MTM1: variants seen among roughly 807,000 people sequenced by gnomAD.
MTM1 encodes myotubularin 1, also known as myotubularin.
In MTM1, 9 loss-of-function variants were observed where a neutral mutation model predicts 52.1. The observed-to-expected ratio is 0.17, with a 90% CI of 0.10 to 0.30. The LOEUF is 0.30. MTM1 is among the 10% of genes least tolerant of loss of function. The pLI is 1.00. For missense variants in MTM1, 277 were observed against 470.7 expected (o/e 0.59, Z 3.81); for synonymous variants, 136 against 163.8 (o/e 0.83, Z 1.29).
At chrX:150,618,961 A>T in intron 5 of MTM1, 77 bp from the exon 6 acceptor site, 1 of 725,700 alleles carries the variant, frequency 1.4e-6, no homozygotes, top group Admixed American at 2.2e-5. Context: ...TTCTCCCTTA[A>T]TTGAATGGAA....
chrX:150,624,435 A>G (rs907148411), intron 6 of MTM1, among the ~76,000 whole-genome samples: 14 of 111,706 alleles, frequency 1.3e-4, no homozygotes, highest in Non-Finnish European at 2.3e-4. Flanking sequence ...GTATAACTGA[A>G]CAGAGCCTGA....
intron 11 of MTM1, 122 bp downstream of exon 11, chrX:150,658,149 C>A: frequency 3.3e-6 from 2 of 604,740 alleles, no homozygotes; most frequent in Non-Finnish European, 5.3e-6. Flanking sequence ...AAACTTTACG[C>A]GTTTGAAAAT....
At position 150,568,624 on chromosome X, in the gene MTM1, C is replaced by G. The variant is rs1387250011; in HGVS notation, c.-49C>G. ...AGGGGGCGGAGCAGGGCCCGGCAGC[C>G]GAGCAGCCTGGCAACGGCGGTGGCG... is the stretch of plus-strand genomic sequence containing the variant. On this transcript the variant is annotated 5_prime_UTR_variant, in exon 1 of 15. Transcript: ENST00000370396. 2 of 112,987 alleles carry G rather than the reference C, an allele frequency of 1.8e-5. No homozygotes were observed. The highest frequency in any genetic ancestry group is 6.4e-5 in the African/African-American group (2 of 31,198). The allele number at this position is 112,987 out of a possible 1,213,427, so 9.3% of individuals were successfully genotyped here. A position where few individuals can be genotyped will look rare whatever the true frequency, so the allele number is the denominator to read the frequency against.
intron 10 of MTM1, among the ~76,000 whole-genome samples, chrX:150,651,988 G>A (rs1171634688): frequency 3.6e-5 from 4 of 110,828 alleles, no homozygotes; most frequent in Non-Finnish European, 5.7e-5. Flanking sequence ...CTAGTGATGT[G>A]GTGGGTGTGA....
At chrX:150,597,171 A>C (rs1376519153) in intron 3 of MTM1, among the ~76,000 whole-genome samples, 1 of 112,252 alleles carries the variant, frequency 8.9e-6, no homozygotes, top group East Asian at 2.8e-4. Flanking sequence ...GGCAAATTTT[A>C]TATGTGGATT....
rs782433652 is a variant in MTM1 at position 150,663,853 on chromosome X, C to G, written c.1644+244C>G. Among the ~76,000 whole-genome samples the G allele has an allele frequency of 2.7e-5, 3 of 111,698 alleles. No individual in the cohort carries two copies. In the East Asian group the frequency reaches 8.4e-4, roughly 31 times the overall value. ...CTATAATGCAAGCTGATTTAAAGCT[C>G]TAGAAAATTTGAGTTTTCATAGCCA... On this transcript the variant is annotated intron_variant, in intron 14 of 14. Coordinates refer to ENST00000370396, the MANE Select transcript of MTM1 (RefSeq NM_000252.3).
rs1291970338 is a variant in MTM1, at chrX:150,572,116, G to T, written c.-11+3454G>T. On this transcript the variant is annotated intron_variant, in intron 1 of 14. Coordinates refer to ENST00000370396, the MANE Select transcript of MTM1 (RefSeq NM_000252.3). ...ATGAGCCTTTTGTTTGTGTGAGGTG[G>T]TAGAAAGCTTCCTGCATTTGGATTC... Among the ~76,000 whole-genome samples the T allele has an allele frequency of 5.4e-5, 6 of 111,902 alleles. No individual in the cohort carries two copies. In the South Asian group the frequency reaches 1.1e-3, roughly 21 times the overall value.
chrX:150,671,730 T>C lies in MTM1; in HGVS notation c.*135T>C, dbSNP rs1224659110. 2 of 681,442 alleles carry C rather than the reference T, an allele frequency of 2.9e-6. No homozygotes were observed. Among genetic ancestry groups the C allele is most frequent in the African/African-American group, 4.4e-5 (2 of 45,719 alleles). 56.2% of individuals were successfully genotyped at this position (681,442 alleles called of 1,213,427 possible). On this transcript the variant is annotated 3_prime_UTR_variant, in exon 15 of 15. Transcript: ENST00000370396. ...ACTAACATAATCTTAAACTCTTGAA[T>C]ATGTGCCTTCTAGAATACATATTAC...
At chrX:150,589,851 G>A (rs5924834) in intron 1 of MTM1, among the ~76,000 whole-genome samples, 11,796 of 108,846 alleles carry the variant, frequency 0.11, 533 homozygotes, top group Middle Eastern at 0.21. Flanking sequence ...TATTTCCAAG[G>A]TCAGGACTAA....
intron 14 of MTM1, among the ~76,000 whole-genome samples, chrX:150,669,639 A>G (rs782485750): frequency 5.4e-5 from 6 of 111,719 alleles, no homozygotes; most frequent in South Asian, 3.7e-4. Flanking sequence ...GCTTTTTTTC[A>G]TATCTTTGTT....
chrX:150,638,888 A>G (rs1326011638), intron 6 of MTM1, 55 bp from the exon 7 acceptor site: 5 of 897,063 alleles, frequency 5.6e-6, no homozygotes, highest in Middle Eastern at 3.0e-4. Flanking sequence ...AAGATGTACT[A>G]TAATAGTAGA....
chrX:150,622,929 G>C (rs2039507188), intron 6 of MTM1, among the ~76,000 whole-genome samples: 1 of 112,070 alleles, frequency 8.9e-6, no homozygotes, highest in East Asian at 2.8e-4. Flanking sequence ...AGAGTCTAGA[G>C]ATATAGATTT....
chrX:150,631,268 C>A (rs1301621965), intron 6 of MTM1, among the ~76,000 whole-genome samples: 1 of 112,483 alleles, frequency 8.9e-6, no homozygotes, highest in Non-Finnish European at 1.9e-5. Context: ...CTAAGGAGGG[C>A]AGCCTCAGGC....
chrX:150,599,622 CT>C (rs1433666432), intron 4 of MTM1, among the ~76,000 whole-genome samples: 1 of 111,502 alleles, frequency 9.0e-6, no homozygotes, highest in Non-Finnish European at 1.9e-5. Flanking sequence ...ATCTTTTTTT[CT>C]TTTATGGTGT....
At chrX:150,619,181 GCCT>G in intron 6 of MTM1, 42 bp downstream of exon 6, 1 of 989,705 alleles carries the variant, frequency 1.0e-6, no homozygotes, top group Non-Finnish European at 1.4e-6. Context: ...GGTTCTCAGT[GCCT>G]CCTCTGTGAA....
chrX:150,590,424 G>A (rs369291591), intron 1 of MTM1, among the ~76,000 whole-genome samples: 4 of 111,871 alleles, frequency 3.6e-5, no homozygotes, highest in Non-Finnish European at 7.5e-5. Context: ...TAGCAAATTC[G>A]TGGTTGCTGG....
intron 5 of MTM1, among the ~76,000 whole-genome samples, chrX:150,615,924 C>G (rs1557413134): frequency 9.0e-6 from 1 of 110,967 alleles, no homozygotes; most frequent in African/African-American, 3.3e-5. Flanking sequence ...CCTTTGGGGC[C>G]TAGAAACATG....
At chrX:150,653,721 C>T (rs781928444) in intron 10 of MTM1, among the ~76,000 whole-genome samples, 12 of 112,393 alleles carry the variant, frequency 1.1e-4, no homozygotes, top group Non-Finnish European at 2.1e-4. Flanking sequence ...TTCCAGTTCA[C>T]TGACAGCCCC....
upstream of MTM1, among the ~76,000 whole-genome samples, chrX:150,568,034 A>T (rs1006905029): frequency 1.8e-5 from 2 of 112,083 alleles, no homozygotes; most frequent in Non-Finnish European, 3.8e-5. Flanking sequence ...GTTCTTGGAA[A>T]GGTGCTGGCA....
Sources: allele counts gnomAD v4.1 joint callset (sites outside exome capture counted in the v4.1 genomes callset), GRCh38; gene constraint gnomAD v4.1.1; transcripts MANE v1.5; gene names NCBI Gene and HGNC (gene_info 2026-07-23, HGNC 2026-07-21).